Variants in TMEM229B observed in about 807,000 individuals in gnomAD.
TMEM229B encodes the protein chromosome 14 open reading frame 83.
In TMEM229B, 6 loss-of-function variants were observed where a neutral mutation model predicts 13.7. The observed-to-expected ratio is 0.44, with a 90% CI of 0.24 to 0.86. The LOEUF is 0.86. TMEM229B is among the 40% of genes least tolerant of loss of function. TMEM229B has a pLI of 0.23. For synonymous variants in TMEM229B, 107 were observed against 102.1 expected, an observed-to-expected ratio of 1.05 and a Z score of -0.29; for missense variants, 170 against 236.0, an observed-to-expected ratio of 0.72 and a Z score of 1.83.
At chr14:67,528,795 G>GA (rs1437352996) in intron 1 of TMEM229B, among the ~76,000 whole-genome samples, 1 of 152,254 alleles carries the variant, frequency 6.6e-6, no homozygotes, top group East Asian at 1.9e-4. Flanking sequence ...TGCTCTCTGA[G>GA]AAAAATCACT....
intron 1 of TMEM229B, among the ~76,000 whole-genome samples, chr14:67,512,957 C>T (rs564097449): frequency 1.2e-4 from 18 of 152,300 alleles, no homozygotes; most frequent in African/African-American, 4.3e-4. Context: ...TAAAATGACA[C>T]CTTTCCCTTT....
At chr14:67,508,135 C>CAAAAAAAAAAAAAAA (rs34715322) in intron 1 of TMEM229B, among the ~76,000 whole-genome samples, 18 of 130,604 alleles carry the variant, frequency 1.4e-4, no homozygotes, top group African/African-American at 5.1e-4. Context: ...AACTCCATCT[C>CAAAAAAAAAAAAAAA]AAAAAAAAAA....
At chr14:67,475,424 T>C (rs1433277757) in intron 2 of TMEM229B, among the ~76,000 whole-genome samples, 1 of 152,194 alleles carries the variant, frequency 6.6e-6, no homozygotes, top group African/African-American at 2.4e-5. Context: ...AAATACTGGA[T>C]CATATGGTAA....
chr14:67,482,452 C>T (rs1336076214), intron 2 of TMEM229B, among the ~76,000 whole-genome samples: 2 of 152,156 alleles, frequency 1.3e-5, no homozygotes, highest in African/African-American at 4.8e-5. Flanking sequence ...TTGGGATTCC[C>T]CTCCCATGCA....
At chr14:67,507,667 G>A (rs192357979) in intron 1 of TMEM229B, among the ~76,000 whole-genome samples, 4 of 152,244 alleles carry the variant, frequency 2.6e-5, no homozygotes, top group Admixed American at 1.3e-4. Context: ...TCTTGAACTG[G>A]CAAGTGATTC....
At position 67,473,049 on chromosome 14, in the gene TMEM229B, C is replaced by G. The variant is rs556154718; in HGVS notation, c.*371G>C. On this transcript the variant is annotated 3_prime_UTR_variant, in exon 3 of 3. Coordinates refer to ENST00000554480, the MANE Select transcript of TMEM229B (RefSeq NM_001348543.2). This position sits in a 1 kb window ranked among gnomAD's most constrained non-coding sequence, Gnocchi z 6.5. ...AAATCCAGATCGGAGGGAGGGAGGT[C>G]AGGCCTTGCCTCCCACCTGCGGCCC... 2 of 241,952 alleles carry G rather than the reference C, an allele frequency of 8.3e-6. No homozygotes were observed. Among genetic ancestry groups the G allele is most frequent in the African/African-American group, 4.5e-5 (2 of 44,874 alleles). The allele number at this position is 241,952 out of a possible 1,614,324, so 15.0% of individuals were successfully genotyped here.
At chr14:67,487,989 T>G (rs1387484912) in intron 1 of TMEM229B, among the ~76,000 whole-genome samples, 2 of 152,216 alleles carry the variant, frequency 1.3e-5, no homozygotes, top group African/African-American at 4.8e-5. Context: ...GATTCCAACA[T>G]TTTTTGTTTT....
At chr14:67,477,764 T>A (rs567218981) in intron 2 of TMEM229B, among the ~76,000 whole-genome samples, 1 of 152,310 alleles carries the variant, frequency 6.6e-6, no homozygotes, top group South Asian at 2.1e-4. Context: ...AGACTCTGTC[T>A]CTAAAAAATA....
At chr14:67,519,818 G>T (rs2033264766), upstream of TMEM229B, among the ~76,000 whole-genome samples, 1 of 151,904 alleles carries the variant, frequency 6.6e-6, no homozygotes, top group Non-Finnish European at 1.5e-5. Context: ...GAACTCCTAG[G>T]CTCAAGCGAT....
chr14:67,501,542 AT>A (rs1468060586), intron 1 of TMEM229B, among the ~76,000 whole-genome samples: 1 of 151,986 alleles, frequency 6.6e-6, no homozygotes, highest in African/African-American at 2.4e-5. Context: ...GATAAATGAT[AT>A]TTTAAAAAAT....
chr14:67,494,977 T>C (rs1179790089), intron 1 of TMEM229B, among the ~76,000 whole-genome samples: 1 of 152,120 alleles, frequency 6.6e-6, no homozygotes, highest in Non-Finnish European at 1.5e-5. Flanking sequence ...ATAAAGCAAA[T>C]GGGGCAAAAT....
chr14:67,529,205 C>T (rs182710395), intron 1 of TMEM229B, among the ~76,000 whole-genome samples: 4 of 152,150 alleles, frequency 2.6e-5, no homozygotes, highest in Admixed American at 2.6e-4. Flanking sequence ...ACGAGGAACA[C>T]CTTCCCTCCC....
chr14:67,523,364 C>A (rs1172306332), intron 1 of TMEM229B, among the ~76,000 whole-genome samples: 1 of 151,584 alleles, frequency 6.6e-6, no homozygotes, highest in Non-Finnish European at 1.5e-5. Flanking sequence ...GTCCAGTCCT[C>A]AAAACAGTAC....
At chr14:67,521,316 C>G (rs1489305608) in intron 1 of TMEM229B, among the ~76,000 whole-genome samples, 3 of 152,086 alleles carry the variant, frequency 2.0e-5, no homozygotes, top group African/African-American at 7.2e-5. Context: ...GAAGCAAATG[C>G]AAAAGTTTAC....
chr14:67,477,963 C>CA (rs146936245), intron 2 of TMEM229B, among the ~76,000 whole-genome samples: 2,191 of 152,258 alleles, frequency 0.014, 23 homozygotes, highest in Non-Finnish European at 0.02. Flanking sequence ...CCTGGTTCAG[C>CA]ATAGTATTCC....
intron 1 of TMEM229B, among the ~76,000 whole-genome samples, chr14:67,496,110 G>T (rs915934927): frequency 6.6e-6 from 1 of 152,248 alleles, no homozygotes; most frequent in East Asian, 1.9e-4. Context: ...GATTGCTTGA[G>T]CCCAGGAGGG....
In TMEM229B at chr14:67,471,667, C is replaced by A. The variant is rs188682902; in HGVS notation, c.*1753G>T. ...GAAATACCCTTCGTTCTGCTCTGGA[C>A]GGGGCTAACTGCAGAAAATCCTGCC... On this transcript the variant is annotated 3_prime_UTR_variant, in exon 3 of 3. Transcript: ENST00000554480. 3 of 152,326 alleles carry A rather than the reference C, an allele frequency of 2.0e-5. No homozygotes were observed. Among genetic ancestry groups the A allele is most frequent in the East Asian group, 3.9e-4 (2 of 5,182 alleles). The allele number at this position is 152,326 out of a possible 1,614,324, so 9.4% of individuals were successfully genotyped here.
intron 1 of TMEM229B, among the ~76,000 whole-genome samples, chr14:67,510,953 C>T (rs997110786): frequency 1.3e-5 from 2 of 152,184 alleles, no homozygotes; most frequent in Non-Finnish European, 2.9e-5. Flanking sequence ...CACATTTTAT[C>T]TTGAAGCATG....
At chr14:67,477,278 C>A (rs1324771138) in intron 2 of TMEM229B, among the ~76,000 whole-genome samples, 3 of 152,222 alleles carry the variant, frequency 2.0e-5, no homozygotes, top group African/African-American at 4.8e-5. Flanking sequence ...ACATCTTCAG[C>A]CTTTTCCTCA....
Sources: allele counts gnomAD v4.1 joint callset (sites outside exome capture counted in the v4.1 genomes callset), GRCh38; gene constraint gnomAD v4.1.1; non-coding constraint Gnocchi (gnomAD v3.1); transcripts MANE v1.5; gene names NCBI Gene and HGNC (gene_info 2026-07-23, HGNC 2026-07-21).